Variants in MEGF11 observed in about 807,000 individuals in gnomAD.
MEGF11 encodes the protein multiple epidermal growth factor-like domains protein 11.
Under a neutral mutation model 146.6 loss-of-function variants are expected in MEGF11, and 126 were observed. That is an observed-to-expected ratio of 0.86 (90% CI 0.74 to 1.00). The LOEUF (loss-of-function observed/expected upper bound fraction) is 1.00. Among genes scored for constraint, MEGF11 ranks in the 50% least tolerant of loss-of-function variants. The pLI is 0.00. For missense variants in MEGF11, 1,509 were observed against 1,521.2 expected, an observed-to-expected ratio of 0.99 and a Z score of 0.13; for synonymous variants, 532 against 583.4, an observed-to-expected ratio of 0.91 and a Z score of 1.27.
At chr15:66,208,407 C>T (rs1241305241) in intron 1 of MEGF11, among the ~76,000 whole-genome samples, 1 of 151,592 alleles carries the variant, frequency 6.6e-6, no homozygotes, top group Non-Finnish European at 1.5e-5. Context: ...ATTAAATAAT[C>T]CCCAAGAAGA....
chr15:66,106,454 C>A (rs894789552), intron 4 of MEGF11, among the ~76,000 whole-genome samples: 22 of 152,154 alleles, frequency 1.4e-4, no homozygotes, highest in Admixed American at 1.0e-3. Context: ...TTCCATAGCA[C>A]CCTCCACATG....
chr15:66,200,707 C>A (rs2091135186), intron 1 of MEGF11, among the ~76,000 whole-genome samples: 1 of 152,170 alleles, frequency 6.6e-6, no homozygotes, highest in Non-Finnish European at 1.5e-5. Context: ...AAACTTAAGG[C>A]AGAACCTTCC....
intron 1 of MEGF11, among the ~76,000 whole-genome samples, chr15:66,133,664 G>T (rs1222419068): frequency 1.3e-5 from 2 of 152,128 alleles, no homozygotes; most frequent in Admixed American, 1.3e-4. Context: ...GAAAAGAGGA[G>T]TTGGATCAGC....
At chr15:66,160,596 A>G (rs2089915718) in intron 1 of MEGF11, among the ~76,000 whole-genome samples, 2 of 151,794 alleles carry the variant, frequency 1.3e-5, no homozygotes, top group African/African-American at 4.8e-5. Flanking sequence ...AATGTCATTC[A>G]TTCATGCATT....
At chr15:66,083,322 A>G (rs1227297598) in intron 5 of MEGF11, among the ~76,000 whole-genome samples, 1 of 152,256 alleles carries the variant, frequency 6.6e-6, no homozygotes, top group African/African-American at 2.4e-5. Context: ...GGAAATGTTT[A>G]AATTATCAGG....
intron 1 of MEGF11, among the ~76,000 whole-genome samples, chr15:66,196,948 T>C (rs1441619158): frequency 6.6e-6 from 1 of 152,248 alleles, no homozygotes; most frequent in Non-Finnish European, 1.5e-5. Context: ...CTCGTTTATA[T>C]GAGTGTCTAG....
intron 5 of MEGF11, among the ~76,000 whole-genome samples, chr15:65,987,041 C>G (rs537890969): frequency 2.1e-4 from 32 of 152,144 alleles, no homozygotes; most frequent in Admixed American, 8.5e-4. Flanking sequence ...CGAGGCTGGG[C>G]AACTCACCCC....
chr15:66,014,981 C>A (rs2082837190), intron 5 of MEGF11, among the ~76,000 whole-genome samples: 1 of 151,562 alleles, frequency 6.6e-6, no homozygotes, highest in African/African-American at 2.4e-5. Context: ...AAAAAAAGTC[C>A]TGATTTGTAG....
intron 4 of MEGF11, among the ~76,000 whole-genome samples, chr15:66,102,590 C>T (rs577659016): frequency 6.7e-6 from 1 of 148,862 alleles, no homozygotes; most frequent in Admixed American, 6.6e-5. Flanking sequence ...CCACAATTAG[C>T]TAATTAAAAA....
chr15:66,094,092 C>T lies in MEGF11; in HGVS notation c.394+310G>A, dbSNP rs16949437. On this transcript the variant is annotated intron_variant, in intron 5 of 25. Coordinates refer to ENST00000395614, the MANE Select transcript of MEGF11 (RefSeq NM_001385028.1). ...CAGTGTGTACTCCTGGGCACTGTGT[C>T]AATTTCACATCAACCATCAAAGACC... Among the ~76,000 whole-genome samples, 183 of 152,274 alleles carry T rather than the reference C, an allele frequency of 1.2e-3. 3 individuals carry two copies. In the East Asian group the frequency reaches 0.032, roughly 27 times the overall value.
intron 1 of MEGF11, among the ~76,000 whole-genome samples, chr15:66,249,408 C>A (rs1469783716): frequency 6.6e-6 from 1 of 152,138 alleles, no homozygotes; most frequent in African/African-American, 2.4e-5. Context: ...TGGATGACAC[C>A]TTTTCAATTA....
At chr15:66,243,258 G>T (rs558711792) in intron 1 of MEGF11, among the ~76,000 whole-genome samples, 12 of 152,210 alleles carry the variant, frequency 7.9e-5, no homozygotes, top group Non-Finnish European at 1.2e-4. Context: ...AAGGGTCCCA[G>T]GTTGACGGTT....
chr15:66,185,731 T>G (rs887411318), intron 1 of MEGF11, among the ~76,000 whole-genome samples: 7 of 152,174 alleles, frequency 4.6e-5, no homozygotes, highest in African/African-American at 1.7e-4. Context: ...GTGGGTCAGA[T>G]GCCCACCCAG....
intron 5 of MEGF11, among the ~76,000 whole-genome samples, chr15:66,001,471 T>C (rs181646428): frequency 2.0e-5 from 3 of 152,254 alleles, no homozygotes; most frequent in African/African-American, 7.2e-5. Flanking sequence ...TCGGGTTCCC[T>C]GGAAGCTGAA....
chr15:66,220,882 G>A (rs987904355), intron 1 of MEGF11, among the ~76,000 whole-genome samples: 17 of 152,100 alleles, frequency 1.1e-4, no homozygotes, highest in African/African-American at 3.9e-4. Flanking sequence ...GATTGTGGTC[G>A]TGGTTACATA....
intron 19 of MEGF11, chr15:65,914,256 CATTT>C (rs2078918549): frequency 1.9e-6 from 1 of 522,726 alleles, no homozygotes; most frequent in African/African-American, 1.9e-5. Flanking sequence ...GATATTAATT[CATTT>C]ACTCTTCAGC....
chr15:66,114,885 C>A (rs1416105666), intron 4 of MEGF11, among the ~76,000 whole-genome samples: 1 of 152,298 alleles, frequency 6.6e-6, no homozygotes, highest in Non-Finnish European at 1.5e-5. Context: ...AAAACAGTGC[C>A]CCCCTGCATC....
intron 1 of MEGF11, among the ~76,000 whole-genome samples, chr15:66,142,572 C>T (rs182120458): frequency 8.3e-4 from 127 of 152,294 alleles, no homozygotes; most frequent in African/African-American, 2.7e-3. Context: ...TGAGCCGGCA[C>T]GACCGCCAGC....
chr15:66,234,941 G>A lies in MEGF11; in HGVS notation c.-9+18664C>T, dbSNP rs552183588. On this transcript the variant is annotated intron_variant, in intron 1 of 25. Coordinates refer to ENST00000395614, the MANE Select transcript of MEGF11 (RefSeq NM_001385028.1). The stretch of plus-strand genomic sequence containing the variant: ...GGTCCTCTCTGCCCTTCCCACCTTC[G>A]GAACTCAGGGTCTGGTGATGTCATT... Among the ~76,000 whole-genome samples the A allele has an allele frequency of 2.6e-5, 4 of 152,266 alleles. No homozygotes were observed. The South Asian group carries it at 6.2e-4, about 24-fold the overall frequency.
Sources: gnomAD v4.1 joint callset for allele counts (sites outside exome capture counted in the v4.1 genomes callset) on GRCh38, gnomAD v4.1.1 for gene constraint, MANE v1.5 for transcripts, NCBI Gene and HGNC (gene_info 2026-07-23, HGNC 2026-07-21) for gene names.